Variants in BCR observed in about 807,000 individuals in gnomAD.
BCR encodes breakpoint cluster region protein.
BCR carries 58 observed loss-of-function variants against 138.6 expected under a neutral mutation model. The ratio of observed to expected loss-of-function variants is 0.42; its 90% CI spans 0.34 to 0.52. The LOEUF is 0.52. Among genes scored for constraint, BCR ranks in the 20% least tolerant of loss-of-function variants. The pLI is 0.06. For missense variants in BCR, 1,599 were observed against 1,727.2 expected, an observed-to-expected ratio of 0.93 and a Z score of 1.32; for synonymous variants, 786 against 730.1, an observed-to-expected ratio of 1.08 and a Z score of -1.23.
chr22:23,223,561 G>GC (rs759539910), intron 1 of BCR, among the ~76,000 whole-genome samples: 6 of 152,108 alleles, frequency 3.9e-5, no homozygotes, highest in Non-Finnish European at 5.9e-5. Flanking sequence ...CCTGGTATCA[G>GC]CCCCCCTATT....
chr22:23,299,544 T>G (rs2073881918), intron 16 of BCR, among the ~76,000 whole-genome samples: 1 of 152,162 alleles, frequency 6.6e-6, no homozygotes, highest in Non-Finnish European at 1.5e-5. Flanking sequence ...TTATTTTGGC[T>G]TATGTTTGTC....
chr22:23,313,669 T>TGGTGGCAGGAGTTGTCCAAG (rs902559685), intron 20 of BCR, among the ~76,000 whole-genome samples: 2 of 151,558 alleles, frequency 1.3e-5, no homozygotes, highest in Non-Finnish European at 2.9e-5. Flanking sequence ...GGGGAGGGGG[T>TGGTGGCAGGAGTTGTCCAAG]GGTGGCAGGA....
chr22:23,244,031 G>A (rs2073127867), intron 1 of BCR, among the ~76,000 whole-genome samples: 1 of 152,172 alleles, frequency 6.6e-6, no homozygotes, highest in Admixed American at 6.5e-5. Flanking sequence ...AGTACAGGTG[G>A]CCCAGACTTC....
chr22:23,207,589 C>T (rs918293297), intron 1 of BCR, among the ~76,000 whole-genome samples: 3 of 152,194 alleles, frequency 2.0e-5, no homozygotes, highest in African/African-American at 7.2e-5. Context: ...CACCACTGCA[C>T]TCTAGCCTGG....
intron 19 of BCR, chr22:23,312,277 G>C (rs2074016636): frequency 1.1e-5 from 2 of 186,860 alleles, no homozygotes; most frequent in African/African-American, 4.7e-5. Flanking sequence ...CAAATGCCAG[G>C]GGAGGGCACT....
chr22:23,293,624 A>G (rs1231024523), intron 15 of BCR, among the ~76,000 whole-genome samples: 1 of 152,164 alleles, frequency 6.6e-6, no homozygotes, highest in Non-Finnish European at 1.5e-5. Flanking sequence ...GCCACGACCC[A>G]GCAGAGACAA....
chr22:23,242,933 G>A lies in BCR; in HGVS notation c.1280-10866G>A, dbSNP rs145874747. 313 of 455,142 alleles carry A rather than the reference G, an allele frequency of 6.9e-4. 3 individuals carry two copies. Among genetic ancestry groups the A allele is most frequent in the East Asian group, 2.5e-3 (36 of 14,338 alleles). The allele number at this position is 455,142 out of a possible 1,614,324, so 28.2% of individuals were successfully genotyped here. A position where few individuals can be genotyped will look rare whatever the true frequency, so the allele number is the denominator to read the frequency against. On this transcript the variant is annotated intron_variant, in intron 1 of 22. Transcript: ENST00000305877. ...CATCTGATGGCCCACGGCATTCCTC[G>A]ACCTGGTGACAACATCTCTCCAGTC...
intron 12 of BCR, among the ~76,000 whole-genome samples, chr22:23,288,949 G>A (rs1029808210): frequency 1.3e-5 from 2 of 152,292 alleles, no homozygotes; most frequent in East Asian, 3.9e-4. Flanking sequence ...CACCTATGCA[G>A]AGCCACCTCT....
chr22:23,304,198 C>G (rs2073933934), intron 16 of BCR, among the ~76,000 whole-genome samples: 1 of 150,402 alleles, frequency 6.6e-6, no homozygotes, highest in Admixed American at 6.7e-5. Flanking sequence ...CCTTGGCCTC[C>G]CAAAGTGCTG....
chr22:23,207,792 C>T (rs2072634919), intron 1 of BCR, among the ~76,000 whole-genome samples: 1 of 152,148 alleles, frequency 6.6e-6, no homozygotes, highest in South Asian at 2.1e-4. Context: ...GAGAGACCAG[C>T]TAGTGATGAT....
At chr22:23,205,132 C>T (rs930465126) in intron 1 of BCR, among the ~76,000 whole-genome samples, 3 of 152,212 alleles carry the variant, frequency 2.0e-5, no homozygotes, top group Non-Finnish European at 2.9e-5. Context: ...ATCCTTCCTG[C>T]AGGGAAAGCC....
chr22:23,289,348 A>C (rs1189708963), intron 12 of BCR, among the ~76,000 whole-genome samples, 169 bp from the exon 13 acceptor site: 1 of 152,238 alleles, frequency 6.6e-6, no homozygotes, highest in African/African-American at 2.4e-5. Context: ...CTCTGCCGCC[A>C]GACCAGCACT....
chr22:23,200,439 C>G (rs2072539349), intron 1 of BCR, among the ~76,000 whole-genome samples: 1 of 152,098 alleles, frequency 6.6e-6, no homozygotes, highest in Non-Finnish European at 1.5e-5. Context: ...CTCAGCATCT[C>G]AAGTAGCTGG....
rs1027109934 is a variant in BCR, at chr22:23,234,927, A to G, written c.1280-18872A>G. Among the ~76,000 whole-genome samples, 2 of 143,572 alleles carry G rather than the reference A, an allele frequency of 1.4e-5. 1 individual carries two copies. Among genetic ancestry groups the G allele is most frequent in the Non-Finnish European group, 3.2e-5 (2 of 63,138 alleles). 94.2% of individuals were successfully genotyped at this position (143,572 alleles called of 152,430 possible). ...GTAGAGGGGCATGTGTTGTATGGACAGAGCCCTACCATGCTTAGAGGAGTC... is the reference window on the plus strand; with the variant it reads ...GTAGAGGGGCATGTGTTGTATGGACGGAGCCCTACCATGCTTAGAGGAGTC... On this transcript the variant is annotated intron_variant, in intron 1 of 22. Coordinates refer to ENST00000305877, the MANE Select transcript of BCR (RefSeq NM_004327.4).
chr22:23,307,552 C>G (rs894283174), intron 16 of BCR: 1 of 151,102 alleles, frequency 6.6e-6, no homozygotes, highest in African/African-American at 2.4e-5. Context: ...TCTGACTGAC[C>G]GCTCCCTGCT....
At chr22:23,269,009 G>A (rs771477417) in intron 5 of BCR, among the ~76,000 whole-genome samples, 3 of 152,232 alleles carry the variant, frequency 2.0e-5, no homozygotes, top group Admixed American at 6.5e-5. Context: ...GGAGCAAAGC[G>A]ACAGGTTGGA....
chr22:23,235,657 C>T (rs2073014788), intron 1 of BCR, among the ~76,000 whole-genome samples: 1 of 152,278 alleles, frequency 6.6e-6, no homozygotes, highest in South Asian at 2.1e-4. Flanking sequence ...GTGTCTTAGT[C>T]ACTTCAGGCT....
intron 16 of BCR, among the ~76,000 whole-genome samples, chr22:23,307,076 A>G (rs1188325571): frequency 6.6e-6 from 1 of 152,242 alleles, no homozygotes; most frequent in Non-Finnish European, 1.5e-5. Flanking sequence ...CCTGCTTAAC[A>G]TGTTTCTGTG....
chr22:23,185,727 T>TTTG (rs553788294), intron 1 of BCR, among the ~76,000 whole-genome samples: 24 of 149,758 alleles, frequency 1.6e-4, no homozygotes, highest in East Asian at 1.6e-3. Flanking sequence ...CTCTGTTTTT[T>TTTG]TTGTTGTTGT....
Sources: gnomAD v4.1 joint callset for allele counts (sites outside exome capture counted in the v4.1 genomes callset) on GRCh38, gnomAD v4.1.1 for gene constraint, MANE v1.5 for transcripts, NCBI Gene and HGNC (gene_info 2026-07-23, HGNC 2026-07-21) for gene names.